Variants in SLC39A10 observed in about 807,000 individuals in gnomAD.
The protein encoded by SLC39A10 is solute carrier family 39 member 10.
SLC39A10 carries 13 observed loss-of-function variants against 65.1 expected under a neutral mutation model. The observed-to-expected ratio is 0.20, with a 90% CI of 0.13 to 0.32. The LOEUF is 0.32. SLC39A10 is among the 10% of genes least tolerant of loss of function. The probability of loss-of-function intolerance (pLI) is 1.00; values close to 1 mark genes in which losing one functional copy is unlikely to be tolerated. For missense variants in SLC39A10, 831 were observed against 1,018.4 expected, an observed-to-expected ratio of 0.82 and a Z score of 2.50; for synonymous variants, 321 against 342.2, an observed-to-expected ratio of 0.94 and a Z score of 0.68.
At chr2:195,662,077 T>C (rs1253126505) in intron 1 of SLC39A10, among the ~76,000 whole-genome samples, 4 of 152,230 alleles carry the variant, frequency 2.6e-5, no homozygotes, top group African/African-American at 9.6e-5. Flanking sequence ...AATATCATTA[T>C]GTACTTCCAT....
intron 8 of SLC39A10, among the ~76,000 whole-genome samples, chr2:195,719,614 T>G (rs1282991672): frequency 2.6e-5 from 4 of 151,856 alleles, no homozygotes; most frequent in African/African-American, 9.7e-5. Flanking sequence ...GGCATTAACT[T>G]TCTTTTTTTT....
At chr2:195,635,512 A>G (rs1027561156) in intron 2 of SLC39A10, among the ~76,000 whole-genome samples, 1 of 152,226 alleles carries the variant, frequency 6.6e-6, no homozygotes, top group African/African-American at 2.4e-5. Flanking sequence ...CACTGCCAGT[A>G]GTTTAGCACA....
At chr2:195,642,363 G>A (rs1688828174) in intron 2 of SLC39A10, among the ~76,000 whole-genome samples, 1 of 152,204 alleles carries the variant, frequency 6.6e-6, no homozygotes. Context: ...GATTGGAAGT[G>A]TGTTGAGAAG....
chr2:195,680,853 C>T lies in SLC39A10; in HGVS notation c.811C>T (p.Arg271Cys), dbSNP rs752579565. ...YEHNRVHKPD[R>C]VHNPGHSHVH... is the part of the protein sequence containing the mutation. Reference sequence around the variant, plus strand: ...GCATAATCGGGTCCACAAACCTGATCGTGTACATAACCCAGGTCATTCTCA... The same window carrying T: ...GCATAATCGGGTCCACAAACCTGATTGTGTACATAACCCAGGTCATTCTCA... Residue 271 changes from arginine (R) to cysteine (C), a missense_variant, in exon 2 of 10, where the codon CGT (arginine) becomes TGT (cysteine). Around this residue, in one of 4 missense-constraint regions of SLC39A10, gnomAD observed 446 missense variants for 499.2 expected, o/e 0.89. Transcript: ENST00000359634. The T allele has an allele frequency of 3.7e-6, 6 of 1,614,120 alleles. No homozygotes were observed. The highest frequency in any genetic ancestry group is 2.2e-5 in the East Asian group (1 of 44,878).
intron 2 of SLC39A10, among the ~76,000 whole-genome samples, chr2:195,619,177 G>A (rs1688295182): frequency 6.6e-6 from 1 of 151,896 alleles, no homozygotes; most frequent in Admixed American, 6.6e-5. Flanking sequence ...TTCTAATACG[G>A]GTAGACCAAT....
chr2:195,666,845 G>A (rs928725186), intron 1 of SLC39A10, among the ~76,000 whole-genome samples: 4 of 152,200 alleles, frequency 2.6e-5, no homozygotes, highest in African/African-American at 9.7e-5. Context: ...CCCAACGACT[G>A]CATTTACTAA....
upstream of SLC39A10, among the ~76,000 whole-genome samples, chr2:195,652,751 T>A (rs1194706803): frequency 6.6e-6 from 1 of 152,034 alleles, no homozygotes; most frequent in African/African-American, 2.4e-5. Flanking sequence ...GGGGATTCTC[T>A]ACAGCAGGGG....
intron 2 of SLC39A10, among the ~76,000 whole-genome samples, chr2:195,641,836 C>T (rs549422123): frequency 1.1e-4 from 17 of 152,122 alleles, no homozygotes; most frequent in African/African-American, 3.4e-4. Context: ...AGATTACAGA[C>T]GTGCACCACC....
At chr2:195,724,589 A>G (rs1692169507) in intron 8 of SLC39A10, among the ~76,000 whole-genome samples, 1 of 152,176 alleles carries the variant, frequency 6.6e-6, no homozygotes, top group Non-Finnish European at 1.5e-5. Flanking sequence ...TCTACTTATA[A>G]TAGCATCAAA....
chr2:195,656,789 A>G (rs1689155261), upstream of SLC39A10: 2 of 152,250 alleles, frequency 1.3e-5, no homozygotes, highest in South Asian at 4.1e-4. Flanking sequence ...GTTTGGGTTT[A>G]GAGCTTCCAT....
chr2:195,687,239 A>G (rs540586801), intron 3 of SLC39A10, among the ~76,000 whole-genome samples: 1 of 152,204 alleles, frequency 6.6e-6, no homozygotes, highest in African/African-American at 2.4e-5. Context: ...TTAATTAAAA[A>G]TAAAATAGAT....
intron 2 of SLC39A10, among the ~76,000 whole-genome samples, chr2:195,617,378 T>C (rs1411433867): frequency 2.0e-5 from 3 of 151,754 alleles, no homozygotes; most frequent in East Asian, 1.9e-4. Flanking sequence ...CTGGCCAATA[T>C]GGTGAAACCC....
At chr2:195,635,889 C>A (rs1688688492) in intron 2 of SLC39A10, among the ~76,000 whole-genome samples, 1 of 152,060 alleles carries the variant, frequency 6.6e-6, no homozygotes, top group South Asian at 2.1e-4. Context: ...GATTTTTTTA[C>A]ATGGTATGAT....
intron 8 of SLC39A10, among the ~76,000 whole-genome samples, chr2:195,721,081 A>T (rs1464061653): frequency 1.3e-5 from 2 of 152,074 alleles, no homozygotes; most frequent in Non-Finnish European, 2.9e-5. Flanking sequence ...AGCTGGGACT[A>T]CAGGCGTGCA....
chr2:195,713,398 A>G (rs756984980), intron 5 of SLC39A10, 35 bp from the exon 6 acceptor site: 4 of 1,478,190 alleles, frequency 2.7e-6, no homozygotes, highest in Non-Finnish European at 3.6e-6. Flanking sequence ...CACATTTTAT[A>G]CTAATATCAG....
At chr2:195,627,408 C>A (rs1214557708) in intron 2 of SLC39A10, among the ~76,000 whole-genome samples, 1 of 152,076 alleles carries the variant, frequency 6.6e-6, no homozygotes, top group East Asian at 1.9e-4. Flanking sequence ...CAAATTTATG[C>A]CATTCTGTAT....
chr2:195,708,555 T>G, intron 4 of SLC39A10, 101 bp from the exon 5 acceptor site: 3 of 916,102 alleles, frequency 3.3e-6, no homozygotes, highest in Non-Finnish European at 4.7e-6. Context: ...TTGAAAGGTA[T>G]TTTTTCTGTG....
chr2:195,665,953 C>G (rs1689618788), intron 1 of SLC39A10, among the ~76,000 whole-genome samples: 1 of 152,108 alleles, frequency 6.6e-6, no homozygotes, highest in African/African-American at 2.4e-5. Context: ...CATTTTTATG[C>G]TATAAATATT....
intron 1 of SLC39A10, among the ~76,000 whole-genome samples, chr2:195,671,267 A>C (rs1434884779): frequency 6.6e-6 from 1 of 152,228 alleles, no homozygotes; most frequent in Non-Finnish European, 1.5e-5. Flanking sequence ...CCCCACTCTT[A>C]ATGCAGAAAT....
Sources: gnomAD v4.1 joint callset for allele counts (sites outside exome capture counted in the v4.1 genomes callset) on GRCh38, gnomAD v4.1.1 for gene constraint, gnomAD v4.1.1 regional missense constraint, MANE v1.5 for transcripts, NCBI Gene and HGNC (gene_info 2026-07-23, HGNC 2026-07-21) for gene names.